FLT1: variants seen among roughly 807,000 people sequenced by gnomAD.
FLT1 encodes vascular endothelial growth factor receptor 1.
A neutral mutation model predicts 156.3 loss-of-function variants in FLT1; 49 were observed. The ratio of observed to expected loss-of-function variants is 0.31; its 90% CI spans 0.25 to 0.40. The LOEUF (loss-of-function observed/expected upper bound fraction) is 0.40, where lower values mean the gene tolerates loss of function less well. Ranked by LOEUF, FLT1 falls within the 10% of genes least tolerant of loss-of-function variation. FLT1 has a pLI of 1.00. For synonymous variants in FLT1, 594 were observed against 583.8 expected (o/e 1.02, Z -0.25); for missense variants, 1,322 against 1,637.2 (o/e 0.81, Z 3.32).
chr13:28,438,825 T>C (rs1325512817), intron 3 of FLT1, among the ~76,000 whole-genome samples: 1 of 152,222 alleles, frequency 6.6e-6, no homozygotes, highest in Non-Finnish European at 1.5e-5. Flanking sequence ...GAGAGGATTA[T>C]CATTTGAATG....
intron 14 of FLT1, among the ~76,000 whole-genome samples, chr13:28,381,489 A>T (rs530728111): frequency 6.6e-6 from 1 of 152,222 alleles, no homozygotes; most frequent in South Asian, 2.1e-4. Flanking sequence ...AACACAGGAG[A>T]TGGAGGTTGC....
intron 3 of FLT1, among the ~76,000 whole-genome samples, chr13:28,461,494 C>T (rs1193666882): frequency 1.3e-5 from 2 of 152,114 alleles, no homozygotes; most frequent in Non-Finnish European, 2.9e-5. Context: ...CCCTTTCTCT[C>T]AGAGATAATT....
chr13:28,432,198 G>A (rs1011261685), intron 6 of FLT1, among the ~76,000 whole-genome samples: 4 of 152,018 alleles, frequency 2.6e-5, no homozygotes, highest in African/African-American at 9.7e-5. Context: ...CGGAGGGGAG[G>A]AGCATGGAAA....
At position 28,329,656 on chromosome 13, in the gene FLT1, A is replaced by G; in HGVS notation, c.2666T>C (p.Leu889Pro). Residue 889 changes from leucine to proline, a missense_variant, in exon 19 of 30, where the codon CTG (leucine) becomes CCG (proline). Coordinates refer to ENST00000282397, the MANE Select transcript of FLT1 (RefSeq NM_002019.4). ...LKILTHIGHH[L>P]NVVNLLGACT... is the part of the protein sequence containing the mutation. ...GGCTCCCAGCAGGTTAACCACGTTC[A>G]GATGGTGGCCAATGTGGGTCAAGAT... 1 of 1,614,218 alleles carries G rather than the reference A, an allele frequency of 6.2e-7. No homozygotes were observed. Among genetic ancestry groups the G allele is most frequent in the Non-Finnish European group, 8.5e-7 (1 of 1,180,016 alleles).
At chr13:28,431,332 A>C in intron 6 of FLT1, 22 bp from the exon 7 acceptor site, 2 of 1,573,926 alleles carry the variant, frequency 1.3e-6, no homozygotes, top group Non-Finnish European at 8.7e-7. Flanking sequence ...ATGTATAACA[A>C]ATGTAGAAGG....
At chr13:28,346,911 TG>T (rs1323449158) in intron 15 of FLT1, among the ~76,000 whole-genome samples, 3 of 152,118 alleles carry the variant, frequency 2.0e-5, no homozygotes, top group Admixed American at 2.0e-4. Flanking sequence ...CACTTCATCT[TG>T]GGGGCTCTCT....
chr13:28,482,224 C>T (rs994288673), intron 1 of FLT1, among the ~76,000 whole-genome samples: 10 of 152,046 alleles, frequency 6.6e-5, no homozygotes, highest in African/African-American at 2.2e-4. Context: ...GAGGCCAAGG[C>T]GGGTGGGAGT....
chr13:28,378,274 C>T (rs1228746905), intron 14 of FLT1, among the ~76,000 whole-genome samples: 1 of 152,156 alleles, frequency 6.6e-6, no homozygotes, highest in Non-Finnish European at 1.5e-5. Context: ...GTCTCGATCT[C>T]TTGACCTCAT....
At chr13:28,412,166 C>A (rs1876239795) in intron 10 of FLT1, among the ~76,000 whole-genome samples, 1 of 152,206 alleles carries the variant, frequency 6.6e-6, no homozygotes, top group Non-Finnish European at 1.5e-5. Flanking sequence ...TTATGGCGGC[C>A]ATCCTGTAGC....
chr13:28,359,800 T>A (rs1316951113), intron 14 of FLT1, among the ~76,000 whole-genome samples: 1 of 152,088 alleles, frequency 6.6e-6, no homozygotes, highest in Non-Finnish European at 1.5e-5. Context: ...CCATCTCCAA[T>A]CACAAAAATG....
In FLT1 at chr13:28,312,083, C is replaced by T. The variant is rs1165312234; in HGVS notation, c.3402G>A (p.Leu1134=). Reference sequence around the variant, plus strand: ...CTTTTGGGTCTCTGTGCCAGCAGTCCAGCATGATCTGATAGCTGGTGGGGA... The same window carrying T: ...CTTTTGGGTCTCTGTGCCAGCAGTCTAGCATGATCTGATAGCTGGTGGGGA... ...YSTPEIYQIM[L]DCWHRDPKER... Residue 1134 remains leucine, a synonymous_variant, in exon 26 of 30, where the codon CTG becomes CTA. Transcript: ENST00000282397. 1 of 1,612,212 alleles carries T rather than the reference C, an allele frequency of 6.2e-7. No homozygotes were observed. Among genetic ancestry groups the T allele is most frequent in the African/African-American group, 1.3e-5 (1 of 74,992 alleles).
intron 1 of FLT1, among the ~76,000 whole-genome samples, chr13:28,492,602 AT>A (rs1881530834): frequency 1.3e-5 from 2 of 152,352 alleles, no homozygotes; most frequent in Admixed American, 1.3e-4. Context: ...TTAATAGCTG[AT>A]AAGTATTCAA....
chr13:28,388,758 T>G (rs1323830039), intron 13 of FLT1: 2 of 1,059,700 alleles, frequency 1.9e-6, no homozygotes, highest in Non-Finnish European at 2.3e-6. Context: ...GCATTAAATC[T>G]CTGGTTACAA....
At chr13:28,409,297 G>A (rs1875997132) in intron 10 of FLT1, among the ~76,000 whole-genome samples, 1 of 151,914 alleles carries the variant, frequency 6.6e-6, no homozygotes, top group African/African-American at 2.4e-5. Flanking sequence ...AGGCAGTCTG[G>A]GGCCACAGAA....
intron 14 of FLT1, among the ~76,000 whole-genome samples, chr13:28,377,978 T>C (rs1301793597): frequency 6.6e-6 from 1 of 152,214 alleles, no homozygotes; most frequent in African/African-American, 2.4e-5. Flanking sequence ...AAATGCTTTA[T>C]GTGATTTTAA....
chr13:28,333,308 T>C lies in FLT1; in HGVS notation c.2593+717A>G, dbSNP rs950554370. On this transcript the variant is annotated intron_variant, in intron 18 of 29. Coordinates refer to ENST00000282397, the MANE Select transcript of FLT1 (RefSeq NM_002019.4). ...TCAGTTCTGTTGAGTTGAAGCATCA[T>C]AAAATTCCATTACAGATGAGGAAAT... Among the ~76,000 whole-genome samples the C allele has an allele frequency of 2.0e-5, 3 of 152,202 alleles. No homozygotes were observed. The East Asian group carries it at 5.8e-4, about 29-fold the overall frequency.
chr13:28,378,899 G>T (rs926010734), intron 14 of FLT1, among the ~76,000 whole-genome samples: 7 of 152,112 alleles, frequency 4.6e-5, no homozygotes, highest in African/African-American at 1.7e-4. Context: ...TAATAGAGAA[G>T]ACATATTAAG....
chr13:28,357,785 A>G (rs1303367935), intron 14 of FLT1, 100 bp from the exon 15 acceptor site: 2 of 1,140,118 alleles, frequency 1.8e-6, no homozygotes, highest in Non-Finnish European at 2.6e-6. Context: ...GCATTCAGAC[A>G]AGGAAATCCG....
chr13:28,379,090 C>T (rs1384516534), intron 14 of FLT1, among the ~76,000 whole-genome samples: 1 of 152,178 alleles, frequency 6.6e-6, no homozygotes, highest in Non-Finnish European at 1.5e-5. Flanking sequence ...CACCTGTAAT[C>T]CCAGCACTTT....
Sources: gnomAD v4.1 joint callset for allele counts (sites outside exome capture counted in the v4.1 genomes callset) on GRCh38, gnomAD v4.1.1 for gene constraint, MANE v1.5 for transcripts, NCBI Gene and HGNC (gene_info 2026-07-23, HGNC 2026-07-21) for gene names.